The following SPATA13 variants were observed in gnomAD, a reference collection of about 807,000 sequenced individuals.
SPATA13 encodes spermatogenesis associated 13.
In SPATA13, 50 loss-of-function variants were observed where a neutral mutation model predicts 104.0. That is an observed-to-expected ratio of 0.48 (90% confidence interval 0.38 to 0.61). SPATA13 has a LOEUF of 0.61. Among genes scored for constraint, SPATA13 ranks in the 20% least tolerant of loss-of-function variants. The pLI is 0.00. For missense variants in SPATA13, 1,524 were observed against 1,690.6 expected (o/e 0.90, Z 1.73); for synonymous variants, 606 against 667.5 (o/e 0.91, Z 1.42).
intron 3 of SPATA13, among the ~76,000 whole-genome samples, chr13:24,069,602 C>A (rs1430037115): frequency 6.6e-6 from 1 of 152,092 alleles, no homozygotes; most frequent in East Asian, 1.9e-4. Context: ...TGTGGATGCC[C>A]TTTATTTATT....
chr13:23,993,542 GT>G (rs1210140948), intron 2 of SPATA13, among the ~76,000 whole-genome samples: 2 of 152,206 alleles, frequency 1.3e-5, no homozygotes, highest in Non-Finnish European at 2.9e-5. Context: ...CTTGATGCCA[GT>G]TTCTGCCAAG....
intron 2 of SPATA13, among the ~76,000 whole-genome samples, chr13:23,997,147 A>G (rs117145484): frequency 0.02 from 3,120 of 152,310 alleles, 45 homozygotes; most frequent in Middle Eastern, 0.051. Context: ...TTAAACAACC[A>G]TCAGTTTCAA....
At chr13:23,994,813 T>C (rs1277049840) in intron 2 of SPATA13, among the ~76,000 whole-genome samples, 1 of 152,184 alleles carries the variant, frequency 6.6e-6, no homozygotes, top group African/African-American at 2.4e-5. Flanking sequence ...CTTAGAGTCA[T>C]CAAGAAAATG....
At chr13:24,108,281 G>C (rs1880520043) in intron 3 of SPATA13, among the ~76,000 whole-genome samples, 1 of 152,202 alleles carries the variant, frequency 6.6e-6, no homozygotes, top group Non-Finnish European at 1.5e-5. Context: ...CGTGAATTCG[G>C]GAGACACATT....
At chr13:24,062,216 CG>C (rs1566089734) in intron 3 of SPATA13, among the ~76,000 whole-genome samples, 1 of 152,218 alleles carries the variant, frequency 6.6e-6, no homozygotes, top group East Asian at 1.9e-4. Flanking sequence ...GATGCTATTC[CG>C]GGAAGAGCTC....
chr13:23,995,196 CA>C (rs929595989), intron 2 of SPATA13, among the ~76,000 whole-genome samples: 294 of 150,024 alleles, frequency 2.0e-3, no homozygotes, highest in African/African-American at 6.7e-3. Context: ...TGTAACACTA[CA>C]AAAAAAATTG....
At chr13:24,267,701 G>A (rs1874361030) in intron 4 of SPATA13, among the ~76,000 whole-genome samples, 1 of 152,196 alleles carries the variant, frequency 6.6e-6, no homozygotes, top group Admixed American at 6.5e-5. Context: ...GGATAACCTT[G>A]AGAATTAATT....
chr13:24,112,415 A>G (rs534917553), intron 3 of SPATA13, among the ~76,000 whole-genome samples: 1 of 152,258 alleles, frequency 6.6e-6, no homozygotes, highest in East Asian at 1.9e-4. Flanking sequence ...TTTTATCTCC[A>G]ACCAGAACTT....
intron 3 of SPATA13, among the ~76,000 whole-genome samples, chr13:24,144,701 T>C (rs1346365482): frequency 1.3e-5 from 2 of 152,040 alleles, no homozygotes; most frequent in African/African-American, 4.8e-5. Flanking sequence ...ATCCCACCTT[T>C]CAGACTTTGG....
At chr13:23,984,731 G>A (rs1380952274) in intron 2 of SPATA13, among the ~76,000 whole-genome samples, 1 of 152,158 alleles carries the variant, frequency 6.6e-6, no homozygotes, top group African/African-American at 2.4e-5. Context: ...TTCCTTGATC[G>A]GTGCTTTCAG....
chr13:24,160,845 G>A lies in SPATA13; in HGVS notation c.-199G>A. On this transcript the variant is annotated 5_prime_UTR_variant, in exon 1 of 13. Coordinates refer to ENST00000382108, the MANE Select transcript of SPATA13 (RefSeq NM_001166271.3). ...TCCTCCGAGAGTGCGGCGACCTCGG[G>A]GCTCCGCCGGCACCGGAGGTGGCTC... 2.0e-6 allele frequency: 2 copies of A among 984,902 alleles called. No homozygotes were observed. Among genetic ancestry groups the A allele is most frequent in the Non-Finnish European group, 2.4e-6 (2 of 829,466 alleles). 61.0% of individuals were successfully genotyped at this position (984,902 alleles called of 1,614,324 possible). A position where few individuals can be genotyped will look rare whatever the true frequency, so the allele number is the denominator to read the frequency against.
chr13:24,041,962 C>T (rs576313547), intron 3 of SPATA13, among the ~76,000 whole-genome samples: 23 of 152,242 alleles, frequency 1.5e-4, no homozygotes, highest in Non-Finnish European at 1.5e-4. Context: ...TCATGCTGTT[C>T]GAAAAATGTT....
chr13:24,001,513 C>G (rs1005036854), intron 2 of SPATA13, among the ~76,000 whole-genome samples: 2 of 151,520 alleles, frequency 1.3e-5, no homozygotes, highest in African/African-American at 4.9e-5. Flanking sequence ...AATGAGCTGG[C>G]GGGGAAAGGC....
intron 3 of SPATA13, among the ~76,000 whole-genome samples, chr13:24,065,168 T>G (rs974177823): frequency 6.6e-6 from 1 of 152,198 alleles, no homozygotes; most frequent in African/African-American, 2.4e-5. Flanking sequence ...ATAATGCACA[T>G]GGAACATAAA....
intron 3 of SPATA13, chr13:24,122,179 T>C: frequency 1.3e-6 from 2 of 1,557,958 alleles, no homozygotes; most frequent in Non-Finnish European, 1.8e-6. Context: ...CTGCTCTTCT[T>C]TGATCAGCCA....
intron 1 of SPATA13, among the ~76,000 whole-genome samples, chr13:24,193,445 T>C (rs1433187244): frequency 6.6e-6 from 1 of 151,936 alleles, no homozygotes; most frequent in Non-Finnish European, 1.5e-5. Flanking sequence ...TGAATCTGAG[T>C]GTGAGGAGTG....
At chr13:24,245,882 C>T (rs903023852) in intron 2 of SPATA13, among the ~76,000 whole-genome samples, 7 of 152,108 alleles carry the variant, frequency 4.6e-5, no homozygotes, top group Admixed American at 3.9e-4. Flanking sequence ...AACCACTGTG[C>T]TCCGGCCAAC....
intron 3 of SPATA13, among the ~76,000 whole-genome samples, chr13:24,049,226 T>C (rs138106208): frequency 8.5e-5 from 13 of 152,318 alleles, no homozygotes; most frequent in African/African-American, 3.1e-4. Flanking sequence ...GACAACATTT[T>C]AGTCACTGAT....
intron 2 of SPATA13, among the ~76,000 whole-genome samples, chr13:23,999,131 T>A (rs1875829564): frequency 6.6e-6 from 1 of 152,106 alleles, no homozygotes; most frequent in Non-Finnish European, 1.5e-5. Context: ...TTTGCCATGT[T>A]GGCCAGGCTG....
Sources: allele counts gnomAD v4.1 joint callset (sites outside exome capture counted in the v4.1 genomes callset), GRCh38; gene constraint gnomAD v4.1.1; transcripts MANE v1.5; gene names NCBI Gene and HGNC (gene_info 2026-07-23, HGNC 2026-07-21).